RANBP2: variants seen among roughly 807,000 people sequenced by gnomAD.
RANBP2 encodes E3 SUMO-protein ligase RanBP2.
In RANBP2, 57 loss-of-function variants were observed where a neutral mutation model predicts 303.6. The ratio of observed to expected loss-of-function variants is 0.19; its 90% CI spans 0.15 to 0.23. RANBP2 has a LOEUF of 0.23. Ranked by LOEUF, RANBP2 falls within the 10% of genes least tolerant of loss-of-function variation. The pLI is 1.00. For synonymous variants in RANBP2, 1,167 were observed against 1,301.5 expected, an observed-to-expected ratio of 0.90 and a Z score of 2.23; for missense variants, 3,138 against 3,780.8, an observed-to-expected ratio of 0.83 and a Z score of 4.46.
chr2:109,012,692 A>G, the RANBP2 span, among the ~76,000 whole-genome samples: 7 of 152,302 alleles, frequency 4.6e-5, no homozygotes, highest in South Asian at 4.1e-4. Flanking sequence ...AGGCGGGTGG[A>G]TCACGAGGTC....
the RANBP2 span, among the ~76,000 whole-genome samples, chr2:108,854,708 G>A: frequency 6.6e-6 from 1 of 152,172 alleles, no homozygotes; most frequent in Non-Finnish European, 1.5e-5. Context: ...GCTGGGCTCG[G>A]CTGGGCTTGG....
At chr2:109,631,303 C>A in the RANBP2 span, among the ~76,000 whole-genome samples, 3 of 152,174 alleles carry the variant, frequency 2.0e-5, no homozygotes, top group Non-Finnish European at 4.4e-5. Flanking sequence ...ACACTCCTAC[C>A]TCCATGTAGA....
At chr2:109,427,160 G>T in the RANBP2 span, among the ~76,000 whole-genome samples, 1 of 151,866 alleles carries the variant, frequency 6.6e-6, no homozygotes, top group African/African-American at 2.4e-5. Context: ...GTAGAGACGG[G>T]GTTTCACCAT....
chr2:109,656,278 T>C, the RANBP2 span, among the ~76,000 whole-genome samples: 1 of 152,210 alleles, frequency 6.6e-6, no homozygotes, highest in African/African-American at 2.4e-5. Flanking sequence ...ATACCATCCA[T>C]TGGAACCACA....
chr2:108,958,128 C>A, the RANBP2 span, among the ~76,000 whole-genome samples: 1 of 152,196 alleles, frequency 6.6e-6, no homozygotes, highest in Non-Finnish European at 1.5e-5. Flanking sequence ...GCACTTTCAT[C>A]CTCCTCCAGG....
the RANBP2 span, among the ~76,000 whole-genome samples, chr2:109,594,271 TAA>T: frequency 4.0e-5 from 6 of 151,250 alleles, no homozygotes; most frequent in East Asian, 3.9e-4. Flanking sequence ...ATGAATGTGG[TAA>T]AAAAAAAATT....
chr2:109,601,829 C>A, the RANBP2 span, among the ~76,000 whole-genome samples: 7 of 151,308 alleles, frequency 4.6e-5, no homozygotes, highest in Non-Finnish European at 8.8e-5. Context: ...TTCTAATACT[C>A]TACAAGTTAC....
the RANBP2 span, among the ~76,000 whole-genome samples, chr2:109,383,424 G>A: frequency 2.6e-5 from 4 of 152,184 alleles, no homozygotes; most frequent in Admixed American, 2.6e-4. Flanking sequence ...CTAAGACTTG[G>A]CAATGGATTA....
the RANBP2 span, among the ~76,000 whole-genome samples, chr2:108,990,202 C>T: frequency 1.8e-4 from 27 of 150,848 alleles, no homozygotes; most frequent in Non-Finnish European, 2.7e-4. Context: ...GAGGCCGAGG[C>T]GGGTGGATCA....
the RANBP2 span, among the ~76,000 whole-genome samples, chr2:109,162,713 A>G: frequency 6.6e-5 from 10 of 152,352 alleles, no homozygotes; most frequent in Admixed American, 6.5e-4. Context: ...TTATAGCTGC[A>G]TGATTTATAA....
the RANBP2 span, among the ~76,000 whole-genome samples, chr2:108,796,135 G>A: frequency 2.6e-5 from 4 of 152,116 alleles, no homozygotes; most frequent in African/African-American, 7.2e-5. Context: ...TGCAAGCTCC[G>A]CCTCCTGGGT....
the RANBP2 span, among the ~76,000 whole-genome samples, chr2:108,810,799 T>C: frequency 6.6e-6 from 1 of 152,248 alleles, no homozygotes; most frequent in African/African-American, 2.4e-5. Context: ...AGTTCAGCAG[T>C]GAAGCCATTT....
the RANBP2 span, among the ~76,000 whole-genome samples, chr2:109,381,359 A>T: frequency 2.0e-5 from 3 of 152,134 alleles, no homozygotes; most frequent in African/African-American, 7.2e-5. Context: ...CTTTCCACTG[A>T]GCAGGTCAAT....
the RANBP2 span, among the ~76,000 whole-genome samples, chr2:109,297,820 C>T: frequency 6.6e-6 from 1 of 152,128 alleles, no homozygotes; most frequent in Non-Finnish European, 1.5e-5. Context: ...GGTCAGTGCT[C>T]CTCACCAGGA....
At chr2:109,587,957 G>A in the RANBP2 span, among the ~76,000 whole-genome samples, 9,830 of 151,508 alleles carry the variant, frequency 0.065, 757 homozygotes, top group East Asian at 0.24. Context: ...TTACCCGGGC[G>A]TGGTGGCACC....
chr2:109,614,651 G>A, the RANBP2 span: 2 of 1,472,240 alleles, frequency 1.4e-6, no homozygotes, highest in Admixed American at 2.4e-5. Context: ...GCGCCCGCGC[G>A]CACTTCAAGG....
chr2:109,281,022 A>G, the RANBP2 span, among the ~76,000 whole-genome samples: 1 of 152,214 alleles, frequency 6.6e-6, no homozygotes, highest in Non-Finnish European at 1.5e-5. Flanking sequence ...GCTCCTGACA[A>G]CTGAGCCATG....
At chr2:109,294,867 G>A in the RANBP2 span, among the ~76,000 whole-genome samples, 2 of 152,222 alleles carry the variant, frequency 1.3e-5, no homozygotes, top group Non-Finnish European at 2.9e-5. Flanking sequence ...CAGAGGAGGT[G>A]CTGCATGAGT....
At chr2:108,925,631 T>C in the RANBP2 span, among the ~76,000 whole-genome samples, 11 of 151,890 alleles carry the variant, frequency 7.2e-5, no homozygotes, top group African/African-American at 1.2e-4. Context: ...CTTTTTTTTT[T>C]CCCCCTGAAA....
Sources: gnomAD v4.1 joint callset for allele counts (sites outside exome capture counted in the v4.1 genomes callset) on GRCh38, gnomAD v4.1.1 for gene constraint, MANE v1.5 for transcripts, NCBI Gene and HGNC (gene_info 2026-07-23, HGNC 2026-07-21) for gene names.